JAZF1: variants seen among roughly 807,000 people sequenced by gnomAD.
JAZF1 encodes the protein JAZF zinc finger 1.
JAZF1 carries 8 observed loss-of-function variants against 26.4 expected under a neutral mutation model. The ratio of observed to expected loss-of-function variants is 0.30; its 90% confidence interval spans 0.18 to 0.55. JAZF1 has a LOEUF of 0.55. Among genes scored for constraint, JAZF1 ranks in the 20% least tolerant of loss-of-function variants. The pLI is 0.94. For missense variants in JAZF1, 199 were observed against 322.0 expected, an observed-to-expected ratio of 0.62 and a Z score of 2.92; for synonymous variants, 126 against 122.3, an observed-to-expected ratio of 1.03 and a Z score of -0.20.
At chr7:27,978,787 C>T (rs1785520532) in intron 2 of JAZF1, among the ~76,000 whole-genome samples, 2 of 151,960 alleles carry the variant, frequency 1.3e-5, no homozygotes, top group South Asian at 2.1e-4. Context: ...GTAAAGAAAA[C>T]CATTTTATTT....
chr7:28,057,342 T>C (rs1313563864), intron 1 of JAZF1, among the ~76,000 whole-genome samples: 1 of 152,190 alleles, frequency 6.6e-6, no homozygotes, highest in African/African-American at 2.4e-5. Flanking sequence ...TGTACCTCAG[T>C]ATAGGTTGAA....
intron 2 of JAZF1, among the ~76,000 whole-genome samples, chr7:27,951,195 AT>A (rs1161602959): frequency 2.6e-5 from 4 of 152,168 alleles, no homozygotes; most frequent in Admixed American, 2.0e-4. Context: ...TATCACTCCT[AT>A]TTAAATATGC....
intron 1 of JAZF1, among the ~76,000 whole-genome samples, chr7:28,085,024 G>A (rs1784192880): frequency 6.6e-6 from 1 of 152,186 alleles, no homozygotes. Flanking sequence ...AAGGCCTCAC[G>A]AGATGCAGCC....
intron 2 of JAZF1, among the ~76,000 whole-genome samples, chr7:27,987,888 C>G (rs1011791853): frequency 2.6e-5 from 4 of 152,058 alleles, no homozygotes; most frequent in Admixed American, 1.3e-4. Context: ...ATAACCTTAC[C>G]CCCAACCCCA....
chr7:28,100,388 A>G (rs1028371995), intron 1 of JAZF1, among the ~76,000 whole-genome samples: 1 of 152,080 alleles, frequency 6.6e-6, no homozygotes, highest in African/African-American at 2.4e-5. Flanking sequence ...TTTATTTTTC[A>G]AACTACTGAT....
At chr7:27,876,711 G>C (rs1783686362) in intron 3 of JAZF1, among the ~76,000 whole-genome samples, 1 of 152,216 alleles carries the variant, frequency 6.6e-6, no homozygotes, top group Admixed American at 6.5e-5. Context: ...CCGGATAGCA[G>C]ACTAGGTATA....
chr7:28,027,052 C>T (rs117539986), intron 1 of JAZF1, among the ~76,000 whole-genome samples: 12 of 152,190 alleles, frequency 7.9e-5, no homozygotes, highest in East Asian at 7.7e-4. Context: ...CCAAGCTCTG[C>T]GCTCACCACA....
intron 1 of JAZF1, among the ~76,000 whole-genome samples, chr7:28,001,991 G>A (rs1266177111): frequency 3.9e-5 from 6 of 152,136 alleles, no homozygotes; most frequent in African/African-American, 1.4e-4. Context: ...CATGTGGTAA[G>A]ATATTCTGCA....
At chr7:27,995,405 C>T (rs1038359774) in intron 1 of JAZF1, among the ~76,000 whole-genome samples, 3 of 152,158 alleles carry the variant, frequency 2.0e-5, no homozygotes, top group Non-Finnish European at 4.4e-5. Flanking sequence ...TTTCATATCA[C>T]TAAGAAGTGA....
intron 1 of JAZF1, among the ~76,000 whole-genome samples, chr7:28,160,002 A>T (rs551705545): frequency 6.6e-6 from 1 of 152,302 alleles, no homozygotes; most frequent in East Asian, 1.9e-4. Flanking sequence ...TGATTTGCTT[A>T]TAATAGCAAA....
rs544950488 is a variant in JAZF1, at chr7:27,887,789, A to T, written c.385+7431T>A. ...TTTTTTCTAAGTGGTATAGCTGTGG[A>T]AAAACAAATAAAATCCTATTTCCTT... On this transcript the variant is annotated intron_variant, in intron 3 of 4. Transcript: ENST00000283928. Among the ~76,000 whole-genome samples, 144 of 152,300 alleles carry T rather than the reference A, an allele frequency of 9.5e-4. 1 individual carries two copies. The highest frequency in any genetic ancestry group is 1.7e-3 in the Non-Finnish European group (118 of 68,026).
At chr7:28,045,041 C>A (rs905704324) in intron 1 of JAZF1, among the ~76,000 whole-genome samples, 1 of 152,002 alleles carries the variant, frequency 6.6e-6, no homozygotes, top group Admixed American at 6.6e-5. Flanking sequence ...GAGACCAGTG[C>A]CTAGCCTAAG....
chr7:27,909,734 A>C (rs1283262672), intron 2 of JAZF1, among the ~76,000 whole-genome samples: 1 of 151,954 alleles, frequency 6.6e-6, no homozygotes, highest in Non-Finnish European at 1.5e-5. Context: ...CAAAACAAAA[A>C]AACAAAAAAC....
intron 3 of JAZF1, among the ~76,000 whole-genome samples, chr7:27,889,412 C>A (rs929044729): frequency 1.3e-5 from 2 of 152,080 alleles, no homozygotes; most frequent in Admixed American, 6.5e-5. Context: ...ATAGGATGAT[C>A]CCACGTCAAA....
At chr7:27,920,800 T>C (rs552130811) in intron 2 of JAZF1, among the ~76,000 whole-genome samples, 1 of 152,260 alleles carries the variant, frequency 6.6e-6, no homozygotes, top group Admixed American at 6.5e-5. Flanking sequence ...AGGGAAAATA[T>C]ATGGTGTAAT....
intron 4 of JAZF1, among the ~76,000 whole-genome samples, chr7:27,836,099 A>T (rs1253121299): frequency 6.6e-6 from 1 of 152,228 alleles, no homozygotes; most frequent in Non-Finnish European, 1.5e-5. Flanking sequence ...TCCAATCCAT[A>T]GTCCATATTT....
intron 1 of JAZF1, among the ~76,000 whole-genome samples, chr7:28,146,933 T>C (rs1445516895): frequency 6.6e-6 from 1 of 150,600 alleles, no homozygotes; most frequent in Non-Finnish European, 1.5e-5. Context: ...CTCAGCTCAC[T>C]GCAACCTCTG....
chr7:28,026,428 C>A (rs1583516625), intron 1 of JAZF1, among the ~76,000 whole-genome samples: 1 of 152,176 alleles, frequency 6.6e-6, no homozygotes, highest in East Asian at 1.9e-4. Context: ...GTGCACCAAA[C>A]TGACAGTCCC....
intron 1 of JAZF1, among the ~76,000 whole-genome samples, chr7:28,070,606 G>A (rs554131945): frequency 1.3e-5 from 2 of 152,220 alleles, no homozygotes; most frequent in South Asian, 4.1e-4. Flanking sequence ...CTGGTCTGAA[G>A]AAAGTTTTAC....
Sources: allele counts gnomAD v4.1 joint callset (sites outside exome capture counted in the v4.1 genomes callset), GRCh38; gene constraint gnomAD v4.1.1; transcripts MANE v1.5; gene names NCBI Gene and HGNC (gene_info 2026-07-23, HGNC 2026-07-21).